Variants in CTNNA3 observed in about 807,000 individuals in gnomAD.
The protein encoded by CTNNA3 is catenin alpha-3.
A neutral mutation model predicts 95.7 loss-of-function variants in CTNNA3; 76 were observed. The observed-to-expected ratio is 0.79, with a 90% CI of 0.66 to 0.96. The LOEUF is 0.96. Among genes scored for constraint, CTNNA3 ranks in the 40% least tolerant of loss-of-function variants. The probability of loss-of-function intolerance (pLI) is 0.00; values close to 1 mark genes in which losing one functional copy is unlikely to be tolerated. For missense variants in CTNNA3, 1,191 were observed against 1,089.8 expected (o/e 1.09, Z -1.31); for synonymous variants, 431 against 374.4 (o/e 1.15, Z -1.74).
intron 7 of CTNNA3, among the ~76,000 whole-genome samples, chr10:67,063,552 CA>C (rs1337373937): frequency 2.0e-5 from 3 of 152,160 alleles, no homozygotes. Context: ...TTATCACTGT[CA>C]GATATGAAGT....
chr10:66,540,317 T>A (rs773679748), intron 10 of CTNNA3, among the ~76,000 whole-genome samples: 1 of 152,160 alleles, frequency 6.6e-6, no homozygotes, highest in South Asian at 2.1e-4. Flanking sequence ...TTGTTGTACA[T>A]GAAATTCACT....
intron 5 of CTNNA3, among the ~76,000 whole-genome samples, chr10:67,266,541 T>C (rs1251201447): frequency 2.6e-5 from 4 of 152,120 alleles, no homozygotes; most frequent in Non-Finnish European, 5.9e-5. Flanking sequence ...ATTGATATCA[T>C]CTAATATTGA....
intron 10 of CTNNA3, among the ~76,000 whole-genome samples, chr10:66,609,319 T>C: frequency 6.7e-6 from 1 of 148,896 alleles, no homozygotes; most frequent in African/African-American, 2.5e-5. Context: ...CTCCTCAGCC[T>C]CCCAAAGTGC....
intron 15 of CTNNA3, among the ~76,000 whole-genome samples, chr10:66,012,569 A>G (rs562986827): frequency 6.6e-6 from 1 of 152,334 alleles, no homozygotes; most frequent in South Asian, 2.1e-4. Context: ...AAAAATACAT[A>G]ATCATAGATA....
rs116065939 is a variant in CTNNA3, at chr10:67,132,126, C to A, written c.1047+48191G>T. 4.2e-3 allele frequency among the ~76,000 whole-genome samples: 646 copies of A among 152,154 alleles called. 5 individuals carry two copies. The highest frequency in any genetic ancestry group is 0.014 in the African/African-American group (597 of 41,524). Reference sequence around the variant, plus strand: ...ATAGAGCAAAATTAAGACAATAGGTCTGATAGGCCAATAGGATACAGCATT... The same window carrying A: ...ATAGAGCAAAATTAAGACAATAGGTATGATAGGCCAATAGGATACAGCATT... On this transcript the variant is annotated intron_variant, in intron 7 of 17. Transcript: ENST00000433211.
intron 14 of CTNNA3, among the ~76,000 whole-genome samples, chr10:66,097,810 C>T (rs1193451561): frequency 6.6e-6 from 1 of 152,060 alleles, no homozygotes; most frequent in South Asian, 2.1e-4. Flanking sequence ...GCCCCTATTG[C>T]AGAAAATAAA....
intron 11 of CTNNA3, among the ~76,000 whole-genome samples, chr10:66,445,368 C>T (rs2093411725): frequency 6.6e-6 from 1 of 152,070 alleles, no homozygotes; most frequent in African/African-American, 2.4e-5. Flanking sequence ...ACAGAATATA[C>T]ATTTTTTTTC....
At chr10:67,434,997 G>A (rs1184873251) in intron 5 of CTNNA3, among the ~76,000 whole-genome samples, 1 of 151,988 alleles carries the variant, frequency 6.6e-6, no homozygotes, top group African/African-American at 2.4e-5. Context: ...GCAGTGTGAT[G>A]TTATGCCTAT....
intron 14 of CTNNA3, among the ~76,000 whole-genome samples, chr10:66,070,997 C>T (rs1458072319): frequency 3.3e-5 from 5 of 152,108 alleles, no homozygotes; most frequent in Non-Finnish European, 7.4e-5. Context: ...ATAGCAGCAA[C>T]AAAACATTAA....
intron 1 of CTNNA3, among the ~76,000 whole-genome samples, chr10:67,678,242 G>A (rs1840568313): frequency 6.6e-6 from 1 of 152,074 alleles, no homozygotes; most frequent in Non-Finnish European, 1.5e-5. Context: ...TGTGTTCTCA[G>A]TGAAATACCC....
At chr10:67,236,718 C>T (rs1344038514) in intron 5 of CTNNA3, among the ~76,000 whole-genome samples, 1 of 151,052 alleles carries the variant, frequency 6.6e-6, no homozygotes, top group Non-Finnish European at 1.5e-5. Flanking sequence ...GGCCAACAAA[C>T]ATATGAAAAA....
rs145096394 is a variant in CTNNA3 at position 66,553,818 on chromosome 10, C to T, written c.1375-33045G>A. On this transcript the variant is annotated intron_variant, in intron 10 of 17. Coordinates refer to ENST00000433211, the MANE Select transcript of CTNNA3 (RefSeq NM_013266.4). The stretch of plus-strand genomic sequence containing the variant: ...CTGGGATTACAGGCGTGAGCCACTG[C>T]GCCCGGCCATGATGAATAATACTTT... Among the ~76,000 whole-genome samples, 189 of 152,010 alleles carry T rather than the reference C, an allele frequency of 1.2e-3. 1 individual carries two copies. The highest frequency in any genetic ancestry group is 4.2e-3 in the African/African-American group (175 of 41,470).
intron 11 of CTNNA3, among the ~76,000 whole-genome samples, chr10:66,451,405 A>G (rs1433078103): frequency 6.6e-6 from 1 of 152,146 alleles, no homozygotes; most frequent in Non-Finnish European, 1.5e-5. Context: ...AGACAAATGA[A>G]TATAACACCA....
chr10:67,550,701 A>T (rs539455874), intron 3 of CTNNA3, among the ~76,000 whole-genome samples: 3 of 143,150 alleles, frequency 2.1e-5, no homozygotes, highest in African/African-American at 5.6e-5. Context: ...TTCTTTATTC[A>T]TAGAATAAAG....
upstream of CTNNA3, among the ~76,000 whole-genome samples, chr10:67,699,705 G>A (rs559629332): frequency 6.6e-5 from 10 of 152,334 alleles, no homozygotes; most frequent in East Asian, 9.6e-4. Flanking sequence ...CGCAGAAGAC[G>A]GGTGATTTCT....
intron 7 of CTNNA3, among the ~76,000 whole-genome samples, chr10:67,104,223 C>T (rs1034162509): frequency 6.6e-6 from 1 of 151,564 alleles, no homozygotes; most frequent in Admixed American, 6.6e-5. Context: ...AGAAAAACAC[C>T]AATAATCTAC....
chr10:67,559,822 G>A (rs1050036043), intron 3 of CTNNA3, among the ~76,000 whole-genome samples: 2 of 152,168 alleles, frequency 1.3e-5, no homozygotes, highest in African/African-American at 2.4e-5. Flanking sequence ...ACCAAGGTTC[G>A]AGAATTACGT....
chr10:67,216,769 T>G (rs1254165590), intron 6 of CTNNA3, among the ~76,000 whole-genome samples: 1 of 152,260 alleles, frequency 6.6e-6, no homozygotes, highest in Non-Finnish European at 1.5e-5. Context: ...TGACAACAGC[T>G]GCTTTTTCCC....
chr10:67,026,025 G>A (rs561826322), intron 7 of CTNNA3, among the ~76,000 whole-genome samples: 2,899 of 149,234 alleles, frequency 0.019, 95 homozygotes, highest in African/African-American at 0.067. Context: ...ACCAAACACC[G>A]CATGTTCTCA....
Sources: gnomAD v4.1 joint callset for allele counts (sites outside exome capture counted in the v4.1 genomes callset) on GRCh38, gnomAD v4.1.1 for gene constraint, MANE v1.5 for transcripts, NCBI Gene and HGNC (gene_info 2026-07-23, HGNC 2026-07-21) for gene names.